Variants in SIPA1L1 observed in about 807,000 individuals in gnomAD.
The protein encoded by SIPA1L1 is signal-induced proliferation-associated 1-like protein 1.
Under a neutral mutation model 162.7 loss-of-function variants are expected in SIPA1L1, and 26 were observed. That is an observed-to-expected ratio of 0.16 (90% CI 0.12 to 0.22). The LOEUF is 0.22. Ranked by LOEUF, SIPA1L1 falls within the 10% of genes least tolerant of loss-of-function variation. SIPA1L1 has a pLI of 1.00. For missense variants in SIPA1L1, 1,874 were observed against 2,241.0 expected (o/e 0.84, Z 3.31); for synonymous variants, 829 against 837.4 (o/e 0.99, Z 0.17).
chr14:71,494,199 G>T (rs1443601419), intron 2 of SIPA1L1, among the ~76,000 whole-genome samples: 2 of 152,164 alleles, frequency 1.3e-5, no homozygotes, highest in Non-Finnish European at 2.9e-5. Flanking sequence ...TCCTTGTTTT[G>T]TTCCTGATGT....
chr14:71,457,107 T>G (rs997267942), intron 2 of SIPA1L1, among the ~76,000 whole-genome samples: 10 of 152,086 alleles, frequency 6.6e-5, no homozygotes, highest in Non-Finnish European at 1.5e-4. Flanking sequence ...AGAATATATT[T>G]TTTAATACTT....
chr14:71,409,707 T>G (rs1007861516), intron 2 of SIPA1L1, among the ~76,000 whole-genome samples: 5 of 152,218 alleles, frequency 3.3e-5, no homozygotes, highest in African/African-American at 1.2e-4. Flanking sequence ...TGCCCTTGTT[T>G]ATAGAAATTA....
At chr14:71,637,457 C>T (rs544510757) in intron 7 of SIPA1L1, among the ~76,000 whole-genome samples, 1 of 152,060 alleles carries the variant, frequency 6.6e-6, no homozygotes, top group East Asian at 1.9e-4. Context: ...TCGAGTTGGG[C>T]GCAGTGACAC....
chr14:71,387,907 T>C (rs1205575645), intron 2 of SIPA1L1, among the ~76,000 whole-genome samples: 1 of 152,248 alleles, frequency 6.6e-6, no homozygotes, highest in Non-Finnish European at 1.5e-5. Flanking sequence ...TGATTCAATT[T>C]GTTATGCTAA....
chr14:71,350,725 A>G (rs2036619101), intron 2 of SIPA1L1, among the ~76,000 whole-genome samples: 1 of 152,226 alleles, frequency 6.6e-6, no homozygotes, highest in African/African-American at 2.4e-5. Flanking sequence ...AGAGACTAAA[A>G]TAAGTCATTC....
chr14:71,704,654 TG>T, intron 15 of SIPA1L1: 1 of 1,179,936 alleles, frequency 8.5e-7, no homozygotes, highest in Non-Finnish European at 1.3e-6. Flanking sequence ...AACGCCAGCT[TG>T]GAGTCCAAAA....
intron 4 of SIPA1L1, among the ~76,000 whole-genome samples, chr14:71,584,297 C>T (rs980817856): frequency 6.6e-6 from 1 of 152,184 alleles, no homozygotes; most frequent in Non-Finnish European, 1.5e-5. Context: ...TTTTGGCAAT[C>T]AAGAGATCCC....
At chr14:71,401,314 T>A (rs1330081038) in intron 2 of SIPA1L1, among the ~76,000 whole-genome samples, 1 of 152,164 alleles carries the variant, frequency 6.6e-6, no homozygotes, top group East Asian at 1.9e-4. Context: ...TCCTTGAACA[T>A]TGCCTCCAAG....
chr14:71,613,244 G>A (rs1321690230), intron 5 of SIPA1L1, among the ~76,000 whole-genome samples: 1 of 152,060 alleles, frequency 6.6e-6, no homozygotes, highest in African/African-American at 2.4e-5. Context: ...TAAATGAGCT[G>A]ATTAATTAAC....
intron 4 of SIPA1L1, among the ~76,000 whole-genome samples, chr14:71,583,192 T>G (rs2034166059): frequency 6.6e-6 from 1 of 152,246 alleles, no homozygotes; most frequent in Non-Finnish European, 1.5e-5. Flanking sequence ...GGTATTACCA[T>G]GTTACCTAGG....
intron 2 of SIPA1L1, among the ~76,000 whole-genome samples, chr14:71,491,761 AACAC>A (rs59275638): frequency 0.1 from 10,243 of 97,860 alleles, 378 homozygotes; most frequent in Non-Finnish European, 0.11. Flanking sequence ...TTTTATTTCA[AACAC>A]ACACACACAC....
chr14:71,466,289 G>A (rs1284624083), intron 2 of SIPA1L1, among the ~76,000 whole-genome samples: 2 of 152,144 alleles, frequency 1.3e-5, no homozygotes, highest in African/African-American at 4.8e-5. Flanking sequence ...GTTTACTAGG[G>A]GAGAGGCTGT....
chr14:71,538,896 T>G (rs1336954050), intron 4 of SIPA1L1, among the ~76,000 whole-genome samples: 1 of 152,174 alleles, frequency 6.6e-6, no homozygotes. Flanking sequence ...TTCAGACTGT[T>G]TTTTGTTTGT....
chr14:71,593,082 C>A (rs2147772081), intron 5 of SIPA1L1, among the ~76,000 whole-genome samples: 1 of 152,264 alleles, frequency 6.6e-6, no homozygotes, highest in Non-Finnish European at 1.5e-5. Context: ...TGATAGAAGT[C>A]CAAGTGATAG....
intron 2 of SIPA1L1, among the ~76,000 whole-genome samples, chr14:71,403,923 A>G (rs933725354): frequency 1.3e-5 from 2 of 152,058 alleles, no homozygotes; most frequent in Non-Finnish European, 2.9e-5. Flanking sequence ...TGAAACTACT[A>G]TTTTATATCT....
intron 3 of SIPA1L1, among the ~76,000 whole-genome samples, chr14:71,519,707 C>T (rs2052107175): frequency 6.6e-6 from 1 of 151,962 alleles, no homozygotes; most frequent in Non-Finnish European, 1.5e-5. Flanking sequence ...TGTCACACAC[C>T]TGTAATCCTA....
intron 12 of SIPA1L1, among the ~76,000 whole-genome samples, chr14:71,684,562 C>T (rs552786519): frequency 3.9e-5 from 6 of 152,280 alleles, no homozygotes; most frequent in Admixed American, 1.3e-4. Context: ...TACACCCTTT[C>T]GGAGCCCAGT....
At chr14:71,484,788 TAGAG>T (rs564863032) in intron 2 of SIPA1L1, among the ~76,000 whole-genome samples, 214 of 152,292 alleles carry the variant, frequency 1.4e-3, no homozygotes, top group Non-Finnish European at 2.5e-3. Flanking sequence ...ATATTTGAAA[TAGAG>T]AGGAATAATG....
intron 17 of SIPA1L1, among the ~76,000 whole-genome samples, chr14:71,717,949 A>C (rs2083394200): frequency 6.6e-6 from 1 of 152,208 alleles, no homozygotes; most frequent in Non-Finnish European, 1.5e-5. Flanking sequence ...CAGTACCTAC[A>C]GGTGGCCATG....
Sources: gnomAD v4.1 joint callset for allele counts (sites outside exome capture counted in the v4.1 genomes callset) on GRCh38, gnomAD v4.1.1 for gene constraint, MANE v1.5 for transcripts, NCBI Gene and HGNC (gene_info 2026-07-23, HGNC 2026-07-21) for gene names.